The following ARID4A variants were observed in gnomAD, a reference collection of about 807,000 sequenced individuals.
ARID4A encodes AT-rich interaction domain 4A.
ARID4A carries 39 observed loss-of-function variants against 148.6 expected under a neutral mutation model. The ratio of observed to expected loss-of-function variants is 0.26; its 90% confidence interval spans 0.20 to 0.34. The LOEUF is 0.34. Among genes scored for constraint, ARID4A ranks in the 10% least tolerant of loss-of-function variants. The pLI is 1.00. For synonymous variants in ARID4A, 475 were observed against 481.2 expected (o/e 0.99, Z 0.17); for missense variants, 1,265 against 1,449.1 (o/e 0.87, Z 2.06).
intron 8 of ARID4A, 146 bp from the exon 9 acceptor site, chr14:58,328,091 A>C: frequency 1.6e-6 from 1 of 629,160 alleles, no homozygotes; most frequent in Non-Finnish European, 2.8e-6. Context: ...CAATTCATTA[A>C]TAATAGGAGC....
Position 58,354,284 on chromosome 14 carries a change from C to G in ARID4A, c.1853+429C>G, listed in dbSNP as rs35452797. 8.0e-3 allele frequency among the ~76,000 whole-genome samples: 1,213 copies of G among 152,278 alleles called. 8 individuals are homozygous for G. The highest frequency in any genetic ancestry group is 0.014 in the Admixed American group (216 of 15,282). ...CCGTGCAAGTGTTTGTTTCATTAAT[C>G]AGAAATCAAGCCTATGTCAAGCACT... On this transcript the variant is annotated intron_variant, in intron 17 of 23. Transcript: ENST00000355431.
At chr14:58,340,417 T>G (rs1174914320) in intron 11 of ARID4A, among the ~76,000 whole-genome samples, 1 of 152,116 alleles carries the variant, frequency 6.6e-6, no homozygotes, top group Non-Finnish European at 1.5e-5. Context: ...TGGCACAATC[T>G]TGGCTCACTA....
At chr14:58,344,467 T>TG (rs985764098) in intron 11 of ARID4A, among the ~76,000 whole-genome samples, 3 of 152,172 alleles carry the variant, frequency 2.0e-5, no homozygotes, top group Non-Finnish European at 4.4e-5. Context: ...TCTTAGTCCT[T>TG]ACAGTGATAC....
Position 58,373,401 on chromosome 14 carries a change from G to GT in ARID4A, c.*1422dup, listed in dbSNP as rs890974425. ...AATTCATGTTTGTACATTGAAAGGG[G>GT]TTTTTTTTTTAAACCTCCTTTTCTG... On this transcript the variant is annotated 3_prime_UTR_variant, in exon 24 of 24. Transcript: ENST00000355431. 1.1e-3 allele frequency: 190 copies of GT among 174,998 alleles called. No individual in the cohort carries two copies. Among genetic ancestry groups the GT allele is most frequent in the East Asian group, 3.1e-3 (31 of 10,150 alleles). 10.8% of individuals were successfully genotyped at this position (174,998 alleles called of 1,614,324 possible).
chr14:58,344,755 A>T lies in ARID4A; in HGVS notation c.967A>T (p.Met323Leu). Reference sequence around the variant, plus strand: ...CTTCCTCCAGCAGCTTTATAAGTTTATGGAAGACAGAGGTATTTTCATGCT... The same window carrying T: ...CTTCCTCCAGCAGCTTTATAAGTTTTTGGAAGACAGAGGTATTTTCATGCT... ...DNFLQQLYKF[M>L]EDRGTPINKP... Residue 323 changes from methionine to leucine, a missense_variant, in exon 12 of 24, where the codon ATG becomes TTG. Coordinates refer to ENST00000355431, the MANE Select transcript of ARID4A (RefSeq NM_002892.4). 1 of 1,611,984 alleles carries T rather than the reference A, an allele frequency of 6.2e-7. No individual in the cohort carries two copies. The highest frequency in any genetic ancestry group is 8.5e-7 in the Non-Finnish European group (1 of 1,178,650).
intron 11 of ARID4A, among the ~76,000 whole-genome samples, chr14:58,338,927 A>C: frequency 9.5e-6 from 1 of 104,728 alleles, no homozygotes; most frequent in African/African-American, 3.7e-5. Flanking sequence ...CACCCCCAAT[A>C]CACACAAAAG....
chr14:58,355,989 G>A (rs944280670), intron 17 of ARID4A, among the ~76,000 whole-genome samples: 2 of 152,028 alleles, frequency 1.3e-5, no homozygotes, highest in African/African-American at 4.8e-5. Context: ...ATGGTTTTTC[G>A]TTGTTCTTCT....
intron 8 of ARID4A, among the ~76,000 whole-genome samples, chr14:58,326,638 T>C (rs1328244207): frequency 6.6e-6 from 1 of 152,188 alleles, no homozygotes; most frequent in Admixed American, 6.5e-5. Flanking sequence ...AGTGTTGTTA[T>C]TTGAGCTACA....
At chr14:58,331,099 A>C (rs1028228720) in intron 11 of ARID4A, among the ~76,000 whole-genome samples, 1 of 152,228 alleles carries the variant, frequency 6.6e-6, no homozygotes, top group African/African-American at 2.4e-5. Context: ...AGTCATATGT[A>C]ATGAAGGGCA....
chr14:58,316,810 C>G lies in ARID4A; in HGVS notation c.275-1732C>G, dbSNP rs568830294. 5.3e-5 allele frequency among the ~76,000 whole-genome samples: 8 copies of G among 152,070 alleles called. No homozygotes were observed. In the South Asian group the frequency reaches 1.7e-3, roughly 32 times the overall value. ...GGTCAGGCAGGTCTCGAACTCCCGA[C>G]CTCAGGTGGTCCGCCCGCCTCGGCC... On this transcript the variant is annotated intron_variant, in intron 5 of 23. Coordinates refer to ENST00000355431, the MANE Select transcript of ARID4A (RefSeq NM_002892.4).
rs767920033 is a variant in ARID4A, at chr14:58,323,570, G to T, written c.535G>T (p.Val179Leu). The T allele has an allele frequency of 6.2e-7, 1 of 1,614,048 alleles. No homozygotes were observed. The highest frequency in any genetic ancestry group is 8.5e-7 in the Non-Finnish European group (1 of 1,180,030). ...RLNDELLGKV[V>L]SVVSATERTE... ...CAATGATGAATTACTAGGAAAAGTT[G>T]TAAGTGTGGTGTCTGCAACGGAGAG... is the stretch of plus-strand genomic sequence containing the variant. The change falls in exon 8 of 24, where the codon GTA becomes TTA. Residue 179 changes from valine to leucine, a missense_variant. This residue lies in a region of ARID4A where 249 missense variants were observed against 277.2 expected (regional missense o/e 0.90). Transcript: ENST00000355431.
chr14:58,349,046 T>C (rs1382653938), intron 15 of ARID4A, among the ~76,000 whole-genome samples: 2 of 152,138 alleles, frequency 1.3e-5, no homozygotes, highest in Non-Finnish European at 2.9e-5. Flanking sequence ...AATCAAAGTT[T>C]TACTTTCTGT....
intron 11 of ARID4A, among the ~76,000 whole-genome samples, chr14:58,338,395 C>T (rs2033936909): frequency 6.6e-6 from 1 of 152,112 alleles, no homozygotes; most frequent in Admixed American, 6.6e-5. Context: ...TCCTCCAGTC[C>T]AGACATGTCC....
At chr14:58,325,894 AT>A (rs796933263) in intron 8 of ARID4A, among the ~76,000 whole-genome samples, 31 of 152,036 alleles carry the variant, frequency 2.0e-4, no homozygotes, top group African/African-American at 6.7e-4. Flanking sequence ...ATTTACTCAG[AT>A]TTATCATTTA....
intron 5 of ARID4A, among the ~76,000 whole-genome samples, chr14:58,310,747 C>CTTTTTTCTTTTTTTT: frequency 6.7e-6 from 1 of 149,426 alleles, no homozygotes; most frequent in Non-Finnish European, 1.5e-5. Flanking sequence ...ACCCCAGAAG[C>CTTTTTTCTTTTTTTT]ACAGGCAGAA....
Position 58,329,569 on chromosome 14 carries a change from T to C in ARID4A, c.704T>C (p.Leu235Pro). Residue 235 changes from leucine (L) to proline (P), a missense_variant, in exon 10 of 24, where the codon CTC becomes CCC. Physicochemically the swap from Leu to Pro is moderately conservative, Grantham distance 98 (BLOSUM62 -3). This residue lies in a region of ARID4A where 249 missense variants were observed against 277.2 expected (regional missense o/e 0.90). Coordinates refer to ENST00000355431, the MANE Select transcript of ARID4A (RefSeq NM_002892.4). ...AAGGACATTAAGGAAGTAGACATTCTCAATCTACCGGAATCTGAGCTCTCC... is the reference window on the plus strand; with the variant it reads ...AAGGACATTAAGGAAGTAGACATTCCCAATCTACCGGAATCTGAGCTCTCC... ...ARKDIKEVDI[L>P]NLPESELSTK... 6.2e-7 allele frequency: 1 copy of C among 1,607,700 alleles called. No homozygotes were observed. The highest frequency in any genetic ancestry group is 8.5e-7 in the Non-Finnish European group (1 of 1,174,396).
At chr14:58,306,739 A>G (rs1440270325) in intron 5 of ARID4A, among the ~76,000 whole-genome samples, 2 of 152,086 alleles carry the variant, frequency 1.3e-5, no homozygotes, top group African/African-American at 2.4e-5. Flanking sequence ...TTAGCCTGGT[A>G]TTAGTGGTGC....
chr14:58,322,963 C>CAAAAAAAAAAAAA (rs386381476), intron 7 of ARID4A, among the ~76,000 whole-genome samples: 1 of 42,246 alleles, frequency 2.4e-5, no homozygotes, highest in Non-Finnish European at 4.1e-5. Flanking sequence ...ACTCCATTTC[C>CAAAAAAAAAAAAA]AAAAAAAAAA....
intron 5 of ARID4A, among the ~76,000 whole-genome samples, chr14:58,309,190 C>T (rs756296201): frequency 9.2e-5 from 14 of 152,176 alleles, no homozygotes; most frequent in Non-Finnish European, 2.1e-4. Context: ...ATTGTAGCTT[C>T]CTGCAGCCCT....
Sources: gnomAD v4.1 joint callset for allele counts (sites outside exome capture counted in the v4.1 genomes callset) on GRCh38, gnomAD v4.1.1 for gene constraint, gnomAD v4.1.1 regional missense constraint, MANE v1.5 for transcripts, NCBI Gene and HGNC (gene_info 2026-07-23, HGNC 2026-07-21) for gene names.